PIP5K1C: variants seen among roughly 807,000 people sequenced by gnomAD.
PIP5K1C encodes the protein phosphatidylinositol-4-phosphate 5-kinase type 1 gamma.
Under a neutral mutation model 80.1 loss-of-function variants are expected in PIP5K1C, and 45 were observed. The observed-to-expected ratio is 0.56, with a 90% CI of 0.44 to 0.72. The LOEUF is 0.72. Ranked by LOEUF, PIP5K1C falls within the 30% of genes least tolerant of loss-of-function variation. The probability of loss-of-function intolerance (pLI) is 0.00; values close to 1 mark genes in which losing one functional copy is unlikely to be tolerated. For synonymous variants in PIP5K1C, 498 were observed against 420.1 expected (o/e 1.19, Z -2.27); for missense variants, 753 against 954.6 (o/e 0.79, Z 2.78).
At position 3,637,914 on chromosome 19, in the gene PIP5K1C, G is replaced by A. The variant is rs1157014758; in HGVS notation, c.1920+970C>T. On this transcript the variant is annotated intron_variant, in intron 16 of 17. Coordinates refer to ENST00000335312, the MANE Select transcript of PIP5K1C (RefSeq NM_012398.3). The surrounding 1 kb of genome is among the most constrained non-coding windows in gnomAD (Gnocchi z 7.0). Reference sequence around the variant, plus strand: ...CGCACAAACCAGTCCCAGGAAAAGGGGTGACGACGTGCGGTGGGTAGGGGC... The same window carrying A: ...CGCACAAACCAGTCCCAGGAAAAGGAGTGACGACGTGCGGTGGGTAGGGGC... 1.3e-6 allele frequency: 2 copies of A among 1,535,360 alleles called. No individual in the cohort carries two copies. Among genetic ancestry groups the A allele is most frequent in the Admixed American group, 2.0e-5 (1 of 50,996 alleles).
At chr19:3,635,635 A>C (rs1239284575) in intron 16 of PIP5K1C, among the ~76,000 whole-genome samples, 2 of 151,628 alleles carry the variant, frequency 1.3e-5, no homozygotes, top group African/African-American at 4.9e-5. Context: ...GTGAGCTGAA[A>C]TTGAGCCACT....
In PIP5K1C at chr19:3,688,264, G is replaced by A. The variant is rs1600087585; in HGVS notation, c.94+12033C>T. Among the ~76,000 whole-genome samples the A allele has an allele frequency of 6.6e-6, 1 of 152,316 alleles. No homozygotes were observed. Among genetic ancestry groups the A allele is most frequent in the African/African-American group, 2.4e-5 (1 of 41,580 alleles). ...TCCTCCAGGGGCGCAGCGTCCCTCC[G>A]GGGAGTACAGTGTCCCTGAAGGGAA... On this transcript the variant is annotated intron_variant, in intron 1 of 17. Transcript: ENST00000335312. The surrounding 1 kb of genome is among the most constrained non-coding windows in gnomAD (Gnocchi z 5.3).
At chr19:3,673,258 T>A (rs1295499001) in intron 1 of PIP5K1C, among the ~76,000 whole-genome samples, 1 of 152,062 alleles carries the variant, frequency 6.6e-6, no homozygotes, top group Non-Finnish European at 1.5e-5. Context: ...CAAGATTCCC[T>A]CACGGTTTGT....
At position 3,646,811 on chromosome 19, in the gene PIP5K1C, C is replaced by G. The variant is rs544612013; in HGVS notation, c.1260+527G>C. On this transcript the variant is annotated intron_variant, in intron 10 of 17. Transcript: ENST00000335312. ...TTGGATTCTACAGGCTGTGGTCACACAGACGTTAGTCCTCAGTGCCTGGCC... is the reference window on the plus strand; with the variant it reads ...TTGGATTCTACAGGCTGTGGTCACAGAGACGTTAGTCCTCAGTGCCTGGCC... Among the ~76,000 whole-genome samples, 289 of 152,248 alleles carry G rather than the reference C, an allele frequency of 1.9e-3. 1 individual carries two copies. Among genetic ancestry groups the G allele is most frequent in the African/African-American group, 6.5e-3 (271 of 41,526 alleles).
At chr19:3,698,743 G>C (rs928555548) in intron 1 of PIP5K1C, among the ~76,000 whole-genome samples, 7 of 152,174 alleles carry the variant, frequency 4.6e-5, no homozygotes. Flanking sequence ...ATGTGCTCAC[G>C]TCTCTGTGGC....
chr19:3,656,345 G>A (rs962008154), intron 6 of PIP5K1C, 60 bp downstream of exon 6: 80 of 1,597,668 alleles, frequency 5.0e-5, no homozygotes, highest in Non-Finnish European at 6.3e-5. Context: ...ATCTGCTCCC[G>A]CCAGCCGGGA....
intron 1 of PIP5K1C, among the ~76,000 whole-genome samples, chr19:3,671,465 C>T (rs1340860713): frequency 6.6e-6 from 1 of 152,260 alleles, no homozygotes; most frequent in African/African-American, 2.4e-5. Context: ...CTCACCTGAG[C>T]TGGCTAACGG....
At chr19:3,697,843 A>AC (rs2036174080) in intron 1 of PIP5K1C, among the ~76,000 whole-genome samples, 2 of 152,218 alleles carry the variant, frequency 1.3e-5, no homozygotes, top group African/African-American at 4.8e-5. Flanking sequence ...GCACAGCCGC[A>AC]TCCCAAGCCC....
At chr19:3,643,162 G>A (rs1568315007) in intron 13 of PIP5K1C, 81 bp downstream of exon 13, 3 of 1,593,268 alleles carry the variant, frequency 1.9e-6, no homozygotes, top group East Asian at 2.2e-5. Flanking sequence ...CACAGCGGAT[G>A]CCCCGCCCAC....
chr19:3,633,790 C>G (rs1360293606), intron 16 of PIP5K1C, among the ~76,000 whole-genome samples: 1 of 152,026 alleles, frequency 6.6e-6, no homozygotes, highest in Non-Finnish European at 1.5e-5. Flanking sequence ...CCTGAGATAG[C>G]AGGTGACAGA....
chr19:3,662,073 G>C, intron 3 of PIP5K1C, 72 bp from the exon 4 acceptor site: 1 of 1,514,896 alleles, frequency 6.6e-7, no homozygotes, highest in Non-Finnish European at 8.9e-7. Flanking sequence ...TGTGCACCGG[G>C]GGGTGGAGAT....
intron 16 of PIP5K1C, among the ~76,000 whole-genome samples, chr19:3,636,202 C>T (rs1380854916): frequency 6.6e-6 from 1 of 152,104 alleles, no homozygotes; most frequent in East Asian, 1.9e-4. Context: ...CTTCCTTGTC[C>T]TGCAGGAGTT....
intron 1 of PIP5K1C, among the ~76,000 whole-genome samples, chr19:3,678,273 AATGGAGGGGTGGAGGGATGGAGGG>A (rs1189551892): frequency 4.3e-5 from 2 of 46,228 alleles, no homozygotes; most frequent in African/African-American, 1.7e-4. Context: ...AGGAATGGAG[AATGGAGGGGTGGAGGGATGGAGGG>A]ATGGAGGGAC....
At position 3,653,355 on chromosome 19, in the gene PIP5K1C, C is replaced by A; in HGVS notation, c.856G>T (p.Glu286Ter). The A allele has an allele frequency of 6.2e-7, 1 of 1,612,146 alleles. No individual in the cohort carries two copies. The highest frequency in any genetic ancestry group is 8.5e-7 in the Non-Finnish European group (1 of 1,179,998). The change falls in exon 7 of 18, where the codon GAG (glutamate) becomes TAG (stop). Residue 286 changes from glutamate to a stop codon, truncating the protein, a stop_gained. Coordinates refer to ENST00000335312, the MANE Select transcript of PIP5K1C (RefSeq NM_012398.3). LOFTEE classifies it high-confidence loss of function. ...KDLDFMQDMP[E>*]GLLLDADTFS... ...GTGTCGGCGTCCAGCAGGAGCCCCT[C>A]GGGCATGTCCTGCATGAAGTCCAGG... is the stretch of plus-strand genomic sequence containing the variant.
intron 4 of PIP5K1C, among the ~76,000 whole-genome samples, chr19:3,661,381 A>AC (rs1276481604): frequency 8.5e-5 from 13 of 152,336 alleles, no homozygotes; most frequent in African/African-American, 3.1e-4. Flanking sequence ...ACGTGACTGC[A>AC]CTCAGCCAAT....
chr19:3,639,969 T>G (rs546326119), intron 15 of PIP5K1C, among the ~76,000 whole-genome samples: 1 of 152,310 alleles, frequency 6.6e-6, no homozygotes, highest in East Asian at 1.9e-4. Context: ...GAGGTACAGT[T>G]CCTTTCAGCA....
intron 5 of PIP5K1C, among the ~76,000 whole-genome samples, chr19:3,657,963 C>T (rs763358695): frequency 2.0e-5 from 3 of 152,112 alleles, no homozygotes; most frequent in Admixed American, 6.5e-5. Context: ...AGGGGAACCA[C>T]CTTTGGAAAA....
intron 1 of PIP5K1C, among the ~76,000 whole-genome samples, chr19:3,680,689 G>A (rs2035565091): frequency 6.6e-6 from 1 of 152,184 alleles, no homozygotes; most frequent in African/African-American, 2.4e-5. Flanking sequence ...TTACTACATA[G>A]GTCAAAAAAC....
chr19:3,687,933 G>A (rs994691358), intron 1 of PIP5K1C, among the ~76,000 whole-genome samples: 1 of 152,226 alleles, frequency 6.6e-6, no homozygotes, highest in Admixed American at 6.5e-5. Flanking sequence ...TCGTTTCCCA[G>A]GGCCCCAATG....
Sources: gnomAD v4.1 joint callset for allele counts (sites outside exome capture counted in the v4.1 genomes callset) on GRCh38, gnomAD v4.1.1 for gene constraint, Gnocchi (gnomAD v3.1) non-coding constraint, MANE v1.5 for transcripts, NCBI Gene and HGNC (gene_info 2026-07-23, HGNC 2026-07-21) for gene names.